Variants in OR1M1 observed in about 807,000 individuals in gnomAD.
The protein encoded by OR1M1 is olfactory receptor 1M1.
For synonymous variants in OR1M1, 157 were observed against 165.5 expected (o/e 0.95, Z 0.39); for missense variants, 397 against 401.8 (o/e 0.99, Z 0.10).
chr19:9,087,254 T>C (rs1461870505), intron 1 of OR1M1, 97 bp downstream of exon 1: 1 of 152,052 alleles, frequency 6.6e-6, no homozygotes, highest in Non-Finnish European at 1.5e-5. Context: ...CACTGGAAGA[T>C]TCTTTTTTAT....
At chr19:9,087,748 G>A (rs2050272204) in intron 1 of OR1M1, among the ~76,000 whole-genome samples, 1 of 151,834 alleles carries the variant, frequency 6.6e-6, no homozygotes, top group East Asian at 2.0e-4. Context: ...GACACTGGAA[G>A]ATTCTGTCTG....
chr19:9,093,046 T>A, intron 1 of OR1M1, 186 bp from the exon 2 acceptor site: 1 of 331,198 alleles, frequency 3.0e-6, no homozygotes, highest in Non-Finnish European at 5.4e-6. Context: ...TCTATATATA[T>A]ATATATACAC....
In OR1M1 at chr19:9,093,322, T is replaced by C; in HGVS notation, c.78T>C (p.Leu26=). 3 of 1,613,782 alleles carry C rather than the reference T, an allele frequency of 1.9e-6. No homozygotes were observed. The highest frequency in any genetic ancestry group is 2.5e-6 in the Non-Finnish European group (3 of 1,179,916). ...CAGAAAAGCCAGAGCAGGAGACGCT[T>C]CTCTTTTCCCTGTTCTTCTGCATGT... ...GLSEKPEQET[L]LFSLFFCMYL... is the part of the protein sequence containing the mutation. Residue 26 remains leucine, a synonymous_variant, in exon 2 of 2, where the codon CTT becomes CTC. Coordinates refer to ENST00000641627, the MANE Select transcript of OR1M1 (RefSeq NM_001004456.2).
rs763088365 is a variant in OR1M1 at position 9,088,812 on chromosome 19, C to T, written c.-14+1655C>T. On this transcript the variant is annotated intron_variant, in intron 1 of 1. Transcript: ENST00000641627. ...CTGAGGCCAGAGAACCATTTATATC[C>T]GGGAGGCAGAGGTTGCAGTGAGCTG... Among the ~76,000 whole-genome samples the T allele has an allele frequency of 9.2e-5, 14 of 151,516 alleles. No individual in the cohort carries two copies. In the East Asian group the frequency reaches 9.7e-4, roughly 11 times the overall value.
Position 9,092,597 on chromosome 19 carries a change from T to C in OR1M1, c.-13-635T>C, listed in dbSNP as rs115280888. Among the ~76,000 whole-genome samples the C allele has an allele frequency of 9.7e-3, 1,476 of 152,208 alleles. 29 individuals are homozygous for C. The highest frequency in any genetic ancestry group is 0.033 in the African/African-American group (1,367 of 41,548). ...CCTCCTGGGTGACACAGCAAGACCC[T>C]GTCTCTAAAAAATAATATCTTTAGC... On this transcript the variant is annotated intron_variant, in intron 1 of 1. Transcript: ENST00000641627.
chr19:9,091,906 C>CTAT (rs2050295105), intron 1 of OR1M1, among the ~76,000 whole-genome samples: 1 of 151,536 alleles, frequency 6.6e-6, no homozygotes, highest in Non-Finnish European at 1.5e-5. Context: ...TTGTATAACC[C>CTAT]TATTATTATT....
In OR1M1 at chr19:9,094,108, C is replaced by T. The variant is rs1384524848; in HGVS notation, c.864C>T (p.Phe288=). Residue 288 remains phenylalanine, a synonymous_variant, in exon 2 of 2, where the codon TTC becomes TTT. Coordinates refer to ENST00000641627, the MANE Select transcript of OR1M1 (RefSeq NM_001004456.2). Reference sequence around the variant, plus strand: ...CAGTCACCCCCATGCTGAATCCCTTCATCTACAGCTTGAGGAACAGAGACC... The same window carrying T: ...CAGTCACCCCCATGCTGAATCCCTTTATCTACAGCTTGAGGAACAGAGACC... ...YTAVTPMLNP[F]IYSLRNRDLK... is the part of the protein sequence containing the mutation. 5 of 1,613,736 alleles carry T rather than the reference C, an allele frequency of 3.1e-6. No individual in the cohort carries two copies. The highest frequency in any genetic ancestry group is 3.3e-5 in the Admixed American group (2 of 59,948).
Position 9,093,975 on chromosome 19 carries a change from A to T in OR1M1, c.731A>T (p.His244Leu). Residue 244 changes from histidine to leucine, a missense_variant, in exon 2 of 2, where the codon CAC becomes CTC. Physicochemically the swap from His to Leu is moderately conservative, Grantham distance 99. Coordinates refer to ENST00000641627, the MANE Select transcript of OR1M1 (RefSeq NM_001004456.2). ...RKKAFSTCSS[H>L]LSVVALFYGT... ...AAAGCCTTCTCCACCTGCAGCTCCCACCTGTCTGTGGTTGCTCTCTTCTAT... is the reference window on the plus strand; with the variant it reads ...AAAGCCTTCTCCACCTGCAGCTCCCTCCTGTCTGTGGTTGCTCTCTTCTAT... 6.2e-7 allele frequency: 1 copy of T among 1,613,632 alleles called. No individual in the cohort carries two copies. Among genetic ancestry groups the T allele is most frequent in the Non-Finnish European group, 8.5e-7 (1 of 1,179,914 alleles).
At chr19:9,091,896 T>C (rs1187512494) in intron 1 of OR1M1, among the ~76,000 whole-genome samples, 1 of 151,868 alleles carries the variant, frequency 6.6e-6, no homozygotes, top group Non-Finnish European at 1.5e-5. Flanking sequence ...AAAGAATGCT[T>C]TGTATAACCC....
intron 1 of OR1M1, chr19:9,093,031 C>A (rs1007698113): frequency 9.9e-5 from 32 of 322,062 alleles, no homozygotes; most frequent in Middle Eastern, 8.2e-4. Flanking sequence ...CTCTCTCTCT[C>A]TCTCTCTATA....
At chr19:9,092,439 A>C (rs989931162) in intron 1 of OR1M1, among the ~76,000 whole-genome samples, 1 of 151,728 alleles carries the variant, frequency 6.6e-6, no homozygotes, top group Non-Finnish European at 1.5e-5. Context: ...ACCACACACA[A>C]GAAAAGATAA....
intron 1 of OR1M1, among the ~76,000 whole-genome samples, chr19:9,092,406 C>T (rs1003229747): frequency 6.6e-6 from 1 of 151,904 alleles, no homozygotes; most frequent in African/African-American, 2.4e-5. Flanking sequence ...CCAGCCTGGA[C>T]AACATAGCAA....
chr19:9,091,112 A>G (rs890845945), intron 1 of OR1M1, among the ~76,000 whole-genome samples: 2 of 151,916 alleles, frequency 1.3e-5, no homozygotes, highest in Non-Finnish European at 2.9e-5. Flanking sequence ...GCTTGCAGTG[A>G]GCCGAGATCG....
chr19:9,090,891 G>C (rs975585426), intron 1 of OR1M1, among the ~76,000 whole-genome samples: 2 of 151,804 alleles, frequency 1.3e-5, no homozygotes, highest in African/African-American at 4.8e-5. Flanking sequence ...TTCAGGACGG[G>C]CGCGGTGGCT....
intron 1 of OR1M1, among the ~76,000 whole-genome samples, chr19:9,090,865 C>G (rs1005691805): frequency 6.6e-6 from 1 of 151,464 alleles, no homozygotes; most frequent in East Asian, 2.0e-4. Context: ...CTGGAAATGA[C>G]TATAAAAATA....
Position 9,088,964 on chromosome 19 carries a change from C to T in OR1M1, c.-14+1807C>T, listed in dbSNP as rs536264512. The stretch of plus-strand genomic sequence containing the variant: ...ATTTATGAGGTACATAGTAATGTTT[C>T]CATATATGTAATGTATAGTGATCAG... On this transcript the variant is annotated intron_variant, in intron 1 of 1. Transcript: ENST00000641627. 9.2e-5 allele frequency among the ~76,000 whole-genome samples: 14 copies of T among 152,072 alleles called. No homozygotes were observed. The South Asian group carries it at 2.1e-3, about 23-fold the overall frequency.
At chr19:9,088,616 T>A (rs750186347) in intron 1 of OR1M1, among the ~76,000 whole-genome samples, 1 of 152,172 alleles carries the variant, frequency 6.6e-6, no homozygotes, top group Non-Finnish European at 1.5e-5. Flanking sequence ...CCAGGCACGG[T>A]GGCTCACACC....
In OR1M1 at chr19:9,093,938, G is replaced by C. The variant is rs764331298; in HGVS notation, c.694G>C (p.Gly232Arg). Residue 232 changes from glycine to arginine, a missense_variant, in exon 2 of 2, where the codon GGC (glycine) becomes CGC (arginine). Gly to Arg is a moderately radical substitution (Grantham distance 125, BLOSUM62 -2). Transcript: ENST00000641627. ...LVAIMKVPSAGGRKKAFSTCS... is the reference protein window; with the variant it reads ...LVAIMKVPSARGRKKAFSTCS... ...GGCCATCATGAAGGTCCCCTCTGCA[G>C]GCGGCAGGAAGAAAGCCTTCTCCAC... is the stretch of plus-strand genomic sequence containing the variant. 5 of 1,614,148 alleles carry C rather than the reference G, an allele frequency of 3.1e-6. No individual in the cohort carries two copies. The highest frequency in any genetic ancestry group is 3.4e-6 in the Non-Finnish European group (4 of 1,180,046).
rs139852545 is a variant in OR1M1, at chr19:9,093,814, G to A, written c.570G>A (p.Thr190=). Reference sequence around the variant, plus strand: ...CTCCCATCCTCCGACTTTCGTGCACGGACACCTCTGTGAATAGGATCTTCA... The same window carrying A: ...CTCCCATCCTCCGACTTTCGTGCACAGACACCTCTGTGAATAGGATCTTCA... ...DLTPILRLSC[T]DTSVNRIFIL... is the part of the protein sequence containing the mutation. The change falls in exon 2 of 2, where the codon ACG becomes ACA. Residue 190 remains threonine, a synonymous_variant. Coordinates refer to ENST00000641627, the MANE Select transcript of OR1M1 (RefSeq NM_001004456.2). 2.4e-5 allele frequency: 38 copies of A among 1,613,846 alleles called. No homozygotes were observed. The highest frequency in any genetic ancestry group is 2.5e-5 in the Non-Finnish European group (30 of 1,180,022).
Sources: gnomAD v4.1 joint callset for allele counts (sites outside exome capture counted in the v4.1 genomes callset) on GRCh38, gnomAD v4.1.1 for gene constraint, MANE v1.5 for transcripts, NCBI Gene and HGNC (gene_info 2026-07-23, HGNC 2026-07-21) for gene names.